Variants in CGRRF1 observed in about 807,000 individuals in gnomAD.
CGRRF1 encodes cell growth regulator with RING finger domain protein 1.
Under a neutral mutation model 37.2 loss-of-function variants are expected in CGRRF1, and 32 were observed. The ratio of observed to expected loss-of-function variants is 0.86; its 90% CI spans 0.65 to 1.16. The LOEUF is 1.16. CGRRF1 is among the 50% of genes most tolerant of loss of function. The pLI is 0.00. For missense variants in CGRRF1, 391 were observed against 382.6 expected, an observed-to-expected ratio of 1.02 and a Z score of -0.18; for synonymous variants, 141 against 140.3, an observed-to-expected ratio of 1.00 and a Z score of -0.04.
intron 1 of CGRRF1, among the ~76,000 whole-genome samples, chr14:54,517,104 T>C (rs1235738314): frequency 6.6e-6 from 1 of 152,216 alleles, no homozygotes; most frequent in African/African-American, 2.4e-5. Flanking sequence ...TTTATATCCT[T>C]GTCTACTAAT....
chr14:54,513,026 A>G (rs983019646), intron 1 of CGRRF1, among the ~76,000 whole-genome samples: 2 of 152,050 alleles, frequency 1.3e-5, no homozygotes, highest in African/African-American at 4.8e-5. Flanking sequence ...TCATATGAAA[A>G]TTTCTCTTGA....
rs1037493660 is a variant in CGRRF1 at position 54,534,067 on chromosome 14, A to G, written c.570+3017A>G. ...CAAATATTTACCCACAACTACATAT[A>G]TAACTAGTATGATAATAGCTTCAGA... On this transcript the variant is annotated intron_variant, in intron 4 of 5. Transcript: ENST00000216420. Among the ~76,000 whole-genome samples, 13 of 152,306 alleles carry G rather than the reference A, an allele frequency of 8.5e-5. No individual in the cohort carries two copies. The East Asian group carries it at 2.3e-3, about 27-fold the overall frequency.
rs547324289 is a variant in CGRRF1 at position 54,520,234 on chromosome 14, G to A, written c.105-2220G>A. Among the ~76,000 whole-genome samples, 182 of 152,080 alleles carry A rather than the reference G, an allele frequency of 1.2e-3. 1 individual carries two copies. Among genetic ancestry groups the A allele is most frequent in the African/African-American group, 4.1e-3 (171 of 41,468 alleles). On this transcript the variant is annotated intron_variant, in intron 1 of 5. Coordinates refer to ENST00000216420, the MANE Select transcript of CGRRF1 (RefSeq NM_006568.3). The stretch of plus-strand genomic sequence containing the variant: ...CGCCATTCTCCTGCTTCAGCCTCCC[G>A]AGTAGCTGGGACTGCAGGCGCCCAC...
intron 2 of CGRRF1, among the ~76,000 whole-genome samples, chr14:54,523,598 A>ATGGAGTGATACAT (rs1271644919): frequency 1.6e-4 from 24 of 151,760 alleles, no homozygotes; most frequent in Admixed American, 1.6e-3. Flanking sequence ...TGGATGAGAA[A>ATGGAGTGATACAT]TGGAGTGATA....
At chr14:54,532,722 A>T (rs2032536265) in intron 4 of CGRRF1, among the ~76,000 whole-genome samples, 1 of 151,224 alleles carries the variant, frequency 6.6e-6, no homozygotes, top group African/African-American at 2.4e-5. Flanking sequence ...AAAAAAAGTC[A>T]TACTAGACAA....
chr14:54,535,446 C>T (rs1354408452), intron 4 of CGRRF1, among the ~76,000 whole-genome samples: 1 of 151,606 alleles, frequency 6.6e-6, no homozygotes, highest in Admixed American at 6.6e-5. Flanking sequence ...TTCTTATGAT[C>T]AGATCAAAGT....
intron 1 of CGRRF1, among the ~76,000 whole-genome samples, chr14:54,511,526 C>G (rs1455352373): frequency 6.6e-6 from 1 of 152,192 alleles, no homozygotes; most frequent in Admixed American, 6.5e-5. Context: ...TAATTTTCCT[C>G]CACTAAGGAA....
At chr14:54,522,654 A>G in intron 2 of CGRRF1, 61 bp downstream of exon 2, 2 of 1,437,632 alleles carry the variant, frequency 1.4e-6, no homozygotes, top group Non-Finnish European at 1.9e-6. Flanking sequence ...TAGCCCTTTT[A>G]TTTTCTTTCT....
chr14:54,523,815 A>T (rs2032362677), intron 2 of CGRRF1, among the ~76,000 whole-genome samples: 1 of 152,216 alleles, frequency 6.6e-6, no homozygotes, highest in Non-Finnish European at 1.5e-5. Context: ...TGACAGTTCA[A>T]TAGAAATAAA....
rs893469110 is a variant in CGRRF1, at chr14:54,537,627, G to T, written c.571-95G>T. On this transcript the variant is annotated intron_variant, in intron 4 of 5. Transcript: ENST00000216420. ...GCATTTTTCTTTTTTTTTGGCAGAA[G>T]ACAGTGTCTAGAAGCAGTTGAAAAG... The T allele has an allele frequency of 4.1e-6, 5 of 1,206,444 alleles. No homozygotes were observed. In the African/African-American group the frequency reaches 7.9e-5, roughly 19 times the overall value. 74.7% of individuals were successfully genotyped at this position (1,206,444 alleles called of 1,614,324 possible).
intron 2 of CGRRF1, among the ~76,000 whole-genome samples, chr14:54,523,429 TGTAAA>T (rs2032355852): frequency 6.6e-6 from 1 of 152,160 alleles, no homozygotes; most frequent in African/African-American, 2.4e-5. Context: ...CCATTAGAAT[TGTAAA>T]GAAAGAGATG....
At chr14:54,515,400 T>A (rs746744568) in intron 1 of CGRRF1, among the ~76,000 whole-genome samples, 1 of 152,008 alleles carries the variant, frequency 6.6e-6, no homozygotes, top group Non-Finnish European at 1.5e-5. Context: ...CCGGGTGAGA[T>A]GTTTTATAAG....
At chr14:54,510,303 A>G in intron 1 of CGRRF1, 1 of 542,566 alleles carries the variant, frequency 1.8e-6, no homozygotes. Flanking sequence ...GTGGTACCGC[A>G]TTGGGGTGTT....
At chr14:54,518,721 T>G (rs2032261498) in intron 1 of CGRRF1, among the ~76,000 whole-genome samples, 2 of 152,180 alleles carry the variant, frequency 1.3e-5, no homozygotes, top group Admixed American at 6.5e-5. Context: ...GTTTTTCACA[T>G]GTTTGTTGGC....
At chr14:54,516,476 C>T (rs764860041) in intron 1 of CGRRF1, among the ~76,000 whole-genome samples, 3 of 152,090 alleles carry the variant, frequency 2.0e-5, no homozygotes, top group African/African-American at 7.2e-5. Context: ...TCCATTGCTT[C>T]TTATTAATAT....
rs551251133 is a variant in CGRRF1 at position 54,522,550 on chromosome 14, T to C, written c.201T>C (p.Pro67=). ...AGCAAATGAGACAAGTCAAGAATCC[T>C]TTTGGCTTAGAGATCACTAATCCAT... ...FKKQMRQVKN[P]FGLEITNPSS... is the part of the protein sequence containing the mutation. The change falls in exon 2 of 6, where the codon CCT becomes CCC. Residue 67 remains proline (P), a synonymous_variant. Coordinates refer to ENST00000216420, the MANE Select transcript of CGRRF1 (RefSeq NM_006568.3). The C allele has an allele frequency of 6.9e-6, 11 of 1,604,692 alleles. No homozygotes were observed. The Admixed American group carries it at 1.9e-4, about 28-fold the overall frequency.
chr14:54,524,381 A>G (rs1333420945), intron 2 of CGRRF1, among the ~76,000 whole-genome samples: 2 of 149,590 alleles, frequency 1.3e-5, no homozygotes, highest in South Asian at 2.1e-4. Context: ...AAGGAAAAAT[A>G]TATGTTTTTT....
At chr14:54,524,898 G>T (rs750629852) in intron 2 of CGRRF1, among the ~76,000 whole-genome samples, 47 of 152,076 alleles carry the variant, frequency 3.1e-4, no homozygotes, top group Non-Finnish European at 4.1e-4. Flanking sequence ...ATAGTAGGTT[G>T]TGCATGCCTG....
At chr14:54,515,083 G>GTTTTTTTT (rs1219713266) in intron 1 of CGRRF1, among the ~76,000 whole-genome samples, 1 of 139,920 alleles carries the variant, frequency 7.1e-6, no homozygotes, top group African/African-American at 2.7e-5. Flanking sequence ...TATTGGGTGA[G>GTTTTTTTT]TTTTTTGTTT....
Sources: allele counts gnomAD v4.1 joint callset (sites outside exome capture counted in the v4.1 genomes callset), GRCh38; gene constraint gnomAD v4.1.1; transcripts MANE v1.5; gene names NCBI Gene and HGNC (gene_info 2026-07-23, HGNC 2026-07-21).